Variants in POC1B observed in about 807,000 individuals in gnomAD.
POC1B encodes the protein POC1 centriolar protein homolog B.
A neutral mutation model predicts 60.6 loss-of-function variants in POC1B; 44 were observed. The ratio of observed to expected loss-of-function variants is 0.73; its 90% CI spans 0.57 to 0.93. POC1B has a LOEUF of 0.93. Ranked by LOEUF, POC1B falls within the 40% of genes least tolerant of loss-of-function variation. POC1B has a pLI of 0.00. For missense variants in POC1B, 555 were observed against 572.3 expected (o/e 0.97, Z 0.31); for synonymous variants, 180 against 198.9 (o/e 0.90, Z 0.80).
intron 9 of POC1B, among the ~76,000 whole-genome samples, chr12:89,460,432 C>T (rs1241305991): frequency 1.3e-5 from 2 of 152,070 alleles, no homozygotes; most frequent in African/African-American, 2.4e-5. Flanking sequence ...TCAGAATATT[C>T]GTAATGAGAA....
intron 2 of POC1B, among the ~76,000 whole-genome samples, chr12:89,504,206 C>T (rs980650344): frequency 9.2e-5 from 14 of 152,234 alleles, no homozygotes; most frequent in African/African-American, 2.4e-5. Flanking sequence ...CAGATTGTTG[C>T]TGTGTCTGTG....
At chr12:89,470,314 T>C (rs568976016) in intron 7 of POC1B, 47 bp downstream of exon 7, 465 of 1,031,814 alleles carry the variant, frequency 4.5e-4, no homozygotes, top group Middle Eastern at 7.6e-4. Flanking sequence ...AAATATATAT[T>C]ATTTTATATT....
chr12:89,455,999 A>T lies in POC1B; in HGVS notation c.1113+3639T>A, dbSNP rs922651544. 7.7e-5 allele frequency among the ~76,000 whole-genome samples: 11 copies of T among 143,582 alleles called. No homozygotes were observed. In the Admixed American group the frequency reaches 7.8e-4, roughly 10 times the overall value. The allele number at this position is 143,582 out of a possible 152,430, so 94.2% of individuals were successfully genotyped here. A position where few individuals can be genotyped will look rare whatever the true frequency, so the allele number is the denominator to read the frequency against. ...AAATTTTATTTACAGTTAGTTTAAA[A>T]CTCTTTTTTGTTGTTGTTGTTGTTG... On this transcript the variant is annotated intron_variant, in intron 10 of 11. Transcript: ENST00000313546.
At chr12:89,483,917 G>T (rs1442550573) in intron 4 of POC1B, among the ~76,000 whole-genome samples, 1 of 152,136 alleles carries the variant, frequency 6.6e-6, no homozygotes, top group Non-Finnish European at 1.5e-5. Flanking sequence ...AAATATAAAA[G>T]ACTTTTTTGT....
chr12:89,425,508 A>T (rs1880725590), intron 10 of POC1B, 129 bp from the exon 11 acceptor site: 1 of 596,906 alleles, frequency 1.7e-6, no homozygotes, highest in Non-Finnish European at 2.8e-6. Flanking sequence ...CAACTATAAT[A>T]AGTTATGGAA....
chr12:89,417,718 TAC>T (rs1471507297), downstream of POC1B, among the ~76,000 whole-genome samples: 1 of 152,252 alleles, frequency 6.6e-6, no homozygotes, highest in African/African-American at 2.4e-5. Context: ...GGTTGAGCCA[TAC>T]TCACTAAGAA....
intron 10 of POC1B, among the ~76,000 whole-genome samples, chr12:89,432,551 G>T (rs1313858137): frequency 6.6e-6 from 1 of 152,084 alleles, no homozygotes; most frequent in African/African-American, 2.4e-5. Context: ...AAGAGGCCCT[G>T]CTATCATGGT....
At chr12:89,480,980 C>A (rs891040115) in intron 4 of POC1B, among the ~76,000 whole-genome samples, 1 of 152,162 alleles carries the variant, frequency 6.6e-6, no homozygotes, top group East Asian at 1.9e-4. Context: ...AAGTGATCCA[C>A]CTGCCTCAGC....
intron 4 of POC1B, among the ~76,000 whole-genome samples, chr12:89,475,910 CTTTTTTTTTTTT>C (rs972058107): frequency 2.3e-5 from 2 of 86,140 alleles, no homozygotes; most frequent in Non-Finnish European, 4.3e-5. Context: ...TGAGGGAATT[CTTTTTTTTTTTT>C]TTTTTTTTTT....
chr12:89,509,721 C>G (rs1366757826), intron 2 of POC1B, among the ~76,000 whole-genome samples: 1 of 152,206 alleles, frequency 6.6e-6, no homozygotes, highest in Non-Finnish European at 1.5e-5. Flanking sequence ...ACTCTCTTTT[C>G]CCACAATAAG....
In POC1B at chr12:89,425,378, G is replaced by A; in HGVS notation, c.1115C>T (p.Thr372Ile). 6.2e-7 allele frequency: 1 copy of A among 1,605,810 alleles called. No individual in the cohort carries two copies. The highest frequency in any genetic ancestry group is 8.5e-7 in the Non-Finnish European group (1 of 1,176,452). Reference sequence around the variant, plus strand: ...CAGAGTCCTACCACTGGTTTCTGTTGTCTTTAATGTCACAGAAAATGTAGG... The same window carrying A: ...CAGAGTCCTACCACTGGTTTCTGTTATCTTTAATGTCACAGAAAATGTAGG... ...MDILSFDSTT[T>I]TETSGRTLPD... The change falls in exon 11 of 12, where the codon ACA becomes ATA. Residue 372 changes from threonine to isoleucine, a missense_variant and splice_region_variant. By Grantham distance (89) the Thr-to-Ile change is moderately conservative. Coordinates refer to ENST00000313546, the MANE Select transcript of POC1B (RefSeq NM_172240.3).
At position 89,525,862 on chromosome 12, in the gene POC1B, A is replaced by G. The variant is rs1419102665; in HGVS notation, c.15+19T>C. 1 of 1,417,678 alleles carries G rather than the reference A, an allele frequency of 7.1e-7. No individual in the cohort carries two copies. The highest frequency in any genetic ancestry group is 9.3e-7 in the Non-Finnish European group (1 of 1,080,116). 87.8% of individuals were successfully genotyped at this position (1,417,678 alleles called of 1,614,324 possible). A position where few individuals can be genotyped will look rare whatever the true frequency, so the allele number is the denominator to read the frequency against. ...CAGGCTCCAGGGAGGGACCCCCCCCACCTCCAACCCGTCCTTACCGTGGCT... is the reference window on the plus strand; with the variant it reads ...CAGGCTCCAGGGAGGGACCCCCCCCGCCTCCAACCCGTCCTTACCGTGGCT... On this transcript the variant is annotated intron_variant, in intron 1 of 11. Transcript: ENST00000313546.
chr12:89,415,525 C>T (rs1484760812), downstream of POC1B, among the ~76,000 whole-genome samples: 1 of 152,046 alleles, frequency 6.6e-6, no homozygotes, highest in Non-Finnish European at 1.5e-5. Context: ...TGCCTGTAGT[C>T]CCAGCTACTC....
chr12:89,482,631 A>G (rs1233895822), intron 4 of POC1B, among the ~76,000 whole-genome samples: 3 of 152,228 alleles, frequency 2.0e-5, no homozygotes, highest in Admixed American at 6.5e-5. Flanking sequence ...TAACATTAAA[A>G]AATGCAAACT....
At chr12:89,406,965 C>A in the POC1B span, among the ~76,000 whole-genome samples, 1 of 72 alleles carries the variant, frequency 0.014, no homozygotes, top group East Asian at 0.5. Flanking sequence ...GGCCAACATG[C>A]CGAAACCCCC....
At chr12:89,443,121 C>A (rs1049463189) in intron 10 of POC1B, among the ~76,000 whole-genome samples, 1 of 152,136 alleles carries the variant, frequency 6.6e-6, no homozygotes, top group Admixed American at 6.5e-5. Flanking sequence ...TAGAGACTTA[C>A]AAAGAGACTT....
chr12:89,461,480 T>G (rs1371450753), intron 9 of POC1B: 1 of 152,170 alleles, frequency 6.6e-6, no homozygotes, highest in Non-Finnish European at 1.5e-5. Context: ...TGTGCTGAAT[T>G]GAAAGAGTAA....
intron 1 of POC1B, chr12:89,525,550 A>T: frequency 8.0e-7 from 1 of 1,247,518 alleles, no homozygotes; most frequent in Non-Finnish European, 1.0e-6. Flanking sequence ...CGGCTTTGGT[A>T]CTTTTTTTTT....
At chr12:89,486,206 CAAGAG>C (rs1382871401) in intron 4 of POC1B, among the ~76,000 whole-genome samples, 1 of 152,104 alleles carries the variant, frequency 6.6e-6, no homozygotes, top group Non-Finnish European at 1.5e-5. Context: ...CAGTGCCTGG[CAAGAG>C]AATACAACAT....
Sources: gnomAD v4.1 joint callset for allele counts (sites outside exome capture counted in the v4.1 genomes callset) on GRCh38, gnomAD v4.1.1 for gene constraint, MANE v1.5 for transcripts, NCBI Gene and HGNC (gene_info 2026-07-23, HGNC 2026-07-21) for gene names.